TMEM26: variants seen among roughly 807,000 people sequenced by gnomAD.
TMEM26 encodes the protein transmembrane protein 26.
In TMEM26, 38 loss-of-function variants were observed where a neutral mutation model predicts 28.8. That is an observed-to-expected ratio of 1.32 (90% confidence interval 1.02 to 1.73). The LOEUF (loss-of-function observed/expected upper bound fraction) is 1.73. TMEM26 is among the 40% of genes most tolerant of loss of function. TMEM26 has a pLI of 0.00. For missense variants in TMEM26, 518 were observed against 447.1 expected (o/e 1.16, Z -1.43); for synonymous variants, 227 against 182.9 (o/e 1.24, Z -1.95).
Position 61,414,173 on chromosome 10 carries a change from A to C in TMEM26, c.606-638T>G, listed in dbSNP as rs1432585537. 3 of 545,506 alleles carry C rather than the reference A, an allele frequency of 5.5e-6. No homozygotes were observed. The African/African-American group carries it at 6.2e-5, about 11-fold the overall frequency. 33.8% of individuals were successfully genotyped at this position (545,506 alleles called of 1,614,324 possible). ...ATTTATGGAAGGAATGGTTAAAAGCACCAAAGAAGGGTCCATACTCAGACA... is the reference window on the plus strand; with the variant it reads ...ATTTATGGAAGGAATGGTTAAAAGCCCCAAAGAAGGGTCCATACTCAGACA... On this transcript the variant is annotated intron_variant, in intron 4 of 5. Coordinates refer to ENST00000399298, the MANE Select transcript of TMEM26 (RefSeq NM_178505.8).
chr10:61,429,243 T>A, intron 3 of TMEM26, 97 bp from the exon 4 acceptor site: 2 of 984,732 alleles, frequency 2.0e-6, no homozygotes, highest in Non-Finnish European at 1.5e-6. Context: ...TTTGCTTTTG[T>A]AGAGAGTAAT....
intron 4 of TMEM26, among the ~76,000 whole-genome samples, chr10:61,421,224 A>C (rs997409182): frequency 6.6e-6 from 1 of 152,270 alleles, no homozygotes; most frequent in South Asian, 2.1e-4. Flanking sequence ...TGGAGAAATT[A>C]ACAAGAAATT....
At chr10:61,440,761 T>G (rs961537262) in intron 1 of TMEM26, among the ~76,000 whole-genome samples, 1 of 152,184 alleles carries the variant, frequency 6.6e-6, no homozygotes, top group Non-Finnish European at 1.5e-5. Flanking sequence ...TTGATATCGT[T>G]TAAGTGTTGA....
In TMEM26 at chr10:61,411,176, T is replaced by C. The variant is rs142363817; in HGVS notation, c.683-430A>G. Among the ~76,000 whole-genome samples the C allele has an allele frequency of 2.7e-3, 404 of 152,318 alleles. 1 individual carries two copies. Among genetic ancestry groups the C allele is most frequent in the Non-Finnish European group, 4.7e-3 (323 of 68,028 alleles). ...GCTCAAGGCCTCAAGTCAGGAAGCA[T>C]GACTGCCGCATTTTCCAGCAGTGAG... On this transcript the variant is annotated intron_variant, in intron 5 of 5. Coordinates refer to ENST00000399298, the MANE Select transcript of TMEM26 (RefSeq NM_178505.8).
intron 1 of TMEM26, among the ~76,000 whole-genome samples, chr10:61,448,597 C>G (rs1274135556): frequency 6.7e-6 from 1 of 150,136 alleles, no homozygotes; most frequent in African/African-American, 2.4e-5. Flanking sequence ...AAATGTCGAC[C>G]GTGTTTGTTT....
Position 61,406,951 on chromosome 10 carries a change from G to A in TMEM26, c.*3371C>T, listed in dbSNP as rs1320631723. On this transcript the variant is annotated 3_prime_UTR_variant, in exon 6 of 6. Transcript: ENST00000399298. Reference sequence around the variant, plus strand: ...AATCAGAATGTCCTCTAAGTAAAAAGCCAAGTCTGAAATTAGAAAAAAAAA... The same window carrying A: ...AATCAGAATGTCCTCTAAGTAAAAAACCAAGTCTGAAATTAGAAAAAAAAA... The A allele has an allele frequency of 1.3e-5, 2 of 151,284 alleles. No homozygotes were observed. The highest frequency in any genetic ancestry group is 3.9e-4 in the East Asian group (2 of 5,146). 9.4% of individuals were successfully genotyped at this position (151,284 alleles called of 1,614,324 possible). A position where few individuals can be genotyped will look rare whatever the true frequency, so the allele number is the denominator to read the frequency against.
chr10:61,453,223 CGAT>C lies in TMEM26; in HGVS notation c.-145_-143del. ...GTGGTCCCTTCTCACCCTCAGCGCC[CGAT>C]GCCGGTAGAACTGGTGCGCGGCTCG... On this transcript the variant is annotated 5_prime_UTR_variant, in exon 1 of 6. Coordinates refer to ENST00000399298, the MANE Select transcript of TMEM26 (RefSeq NM_178505.8). 1 of 834,524 alleles carries C rather than the reference CGAT, an allele frequency of 1.2e-6. No individual in the cohort carries two copies. The highest frequency in any genetic ancestry group is 2.7e-5 in the East Asian group (1 of 37,230). 51.7% of individuals were successfully genotyped at this position (834,524 alleles called of 1,614,324 possible). A position where few individuals can be genotyped will look rare whatever the true frequency, so the allele number is the denominator to read the frequency against.
Position 61,453,072 on chromosome 10 carries a change from G to GTCCC in TMEM26, c.6_9dup (p.Leu4GlyfsTer6), listed in dbSNP as rs935836544. 2 of 1,612,928 alleles carry GTCCC rather than the reference G, an allele frequency of 1.2e-6. No individual in the cohort carries two copies. The highest frequency in any genetic ancestry group is 1.7e-5 in the Admixed American group (1 of 60,012). ...GTGGCCAGGGCGTTAAGGAAGACCAGTCCCTCCATGCTGGCCGGAGCACTC... is the reference window on the plus strand; with the variant it reads ...GTGGCCAGGGCGTTAAGGAAGACCAGTCCCTCCCTCCATGCTGGCCGGAGCACTC... On this transcript the variant is annotated frameshift_variant, in exon 1 of 6. Coordinates refer to ENST00000399298, the MANE Select transcript of TMEM26 (RefSeq NM_178505.8). LOFTEE classifies it high-confidence loss of function.
At chr10:61,417,417 G>A (rs1275031324) in intron 4 of TMEM26, among the ~76,000 whole-genome samples, 3 of 149,124 alleles carry the variant, frequency 2.0e-5, no homozygotes, top group African/African-American at 4.9e-5. Flanking sequence ...TTTTGGAAGT[G>A]TAAATATTCC....
intron 1 of TMEM26, among the ~76,000 whole-genome samples, chr10:61,443,684 T>C (rs187566396): frequency 6.6e-6 from 1 of 152,346 alleles, no homozygotes; most frequent in East Asian, 1.9e-4. Context: ...CTCTTAGTTA[T>C]AATTTTCATT....
At chr10:61,423,658 A>T (rs1839783476) in intron 4 of TMEM26, among the ~76,000 whole-genome samples, 1 of 152,170 alleles carries the variant, frequency 6.6e-6, no homozygotes, top group African/African-American at 2.4e-5. Context: ...AGATCACTTG[A>T]GTCCAGGAGG....
chr10:61,413,638 T>C (rs1564471883), intron 4 of TMEM26, 103 bp from the exon 5 acceptor site: 1 of 1,352,570 alleles, frequency 7.4e-7, no homozygotes, highest in Non-Finnish European at 9.5e-7. Flanking sequence ...AAACCTCTTG[T>C]GGCCAAAATA....
At chr10:61,413,651 TTGG>T in intron 4 of TMEM26, 116 bp from the exon 5 acceptor site, 1 of 1,340,014 alleles carries the variant, frequency 7.5e-7, no homozygotes, top group Non-Finnish European at 9.6e-7. Context: ...CCAAAATATC[TTGG>T]TGATTTAATA....
chr10:61,423,172 C>A (rs1839776319), intron 4 of TMEM26, among the ~76,000 whole-genome samples: 1 of 151,778 alleles, frequency 6.6e-6, no homozygotes, highest in African/African-American at 2.4e-5. Context: ...TCTAAATAGA[C>A]CTATAAAAAG....
At chr10:61,452,452 G>C (rs948542058) in intron 1 of TMEM26, among the ~76,000 whole-genome samples, 1 of 152,220 alleles carries the variant, frequency 6.6e-6, no homozygotes, top group Non-Finnish European at 1.5e-5. Context: ...CTCTTGCGAA[G>C]GTCGCTGATG....
At chr10:61,436,324 TG>T in intron 1 of TMEM26, 76 bp from the exon 2 acceptor site, 1 of 934,646 alleles carries the variant, frequency 1.1e-6, no homozygotes, top group Non-Finnish European at 1.6e-6. Context: ...AGAGGAAGAA[TG>T]AAAAAAAAAT....
chr10:61,427,494 GT>G (rs1248029620), intron 4 of TMEM26, among the ~76,000 whole-genome samples: 2 of 151,982 alleles, frequency 1.3e-5, no homozygotes, highest in Admixed American at 6.6e-5. Context: ...TGGGTTGTTT[GT>G]TTTGCTGGGC....
chr10:61,431,480 T>G (rs1474500428), intron 2 of TMEM26, 148 bp from the exon 3 acceptor site: 1 of 540,224 alleles, frequency 1.9e-6, no homozygotes, highest in Non-Finnish European at 3.2e-6. Context: ...AATCGGAATA[T>G]AGGCCTGAGA....
At chr10:61,452,743 G>C in intron 1 of TMEM26, 148 bp downstream of exon 1, 2 of 1,005,390 alleles carry the variant, frequency 2.0e-6, no homozygotes, top group Non-Finnish European at 1.5e-6. Context: ...AGATGCGCAA[G>C]CATCTCGCGC....
Sources: gnomAD v4.1 joint callset for allele counts (sites outside exome capture counted in the v4.1 genomes callset) on GRCh38, gnomAD v4.1.1 for gene constraint, MANE v1.5 for transcripts, NCBI Gene and HGNC (gene_info 2026-07-23, HGNC 2026-07-21) for gene names.